ADAMTSL3: variants seen among roughly 807,000 people sequenced by gnomAD.
The protein encoded by ADAMTSL3 is ADAMTS-like protein 3.
ADAMTSL3 carries 128 observed loss-of-function variants against 201.7 expected under a neutral mutation model. That is an observed-to-expected ratio of 0.63 (90% CI 0.55 to 0.73). The LOEUF is 0.73. Among genes scored for constraint, ADAMTSL3 ranks in the 30% least tolerant of loss-of-function variants. The pLI is 0.00. For missense variants in ADAMTSL3, 1,990 were observed against 2,119.6 expected (o/e 0.94, Z 1.20); for synonymous variants, 738 against 748.4 (o/e 0.99, Z 0.23).
intron 2 of ADAMTSL3, among the ~76,000 whole-genome samples, chr15:83,664,154 G>A (rs182528176): frequency 6.6e-6 from 1 of 152,118 alleles, no homozygotes; most frequent in Non-Finnish European, 1.5e-5. Context: ...TATATATACC[G>A]AAAAGATAAA....
intron 8 of ADAMTSL3, among the ~76,000 whole-genome samples, chr15:83,866,201 T>C (rs918641334): frequency 3.9e-5 from 6 of 152,332 alleles, no homozygotes; most frequent in Admixed American, 2.6e-4. Context: ...GACAGTGTGG[T>C]GATTCCTCAA....
At chr15:83,657,029 T>G (rs1343384090) in intron 2 of ADAMTSL3, among the ~76,000 whole-genome samples, 1 of 152,218 alleles carries the variant, frequency 6.6e-6, no homozygotes, top group Non-Finnish European at 1.5e-5. Flanking sequence ...ATAATCATAT[T>G]AATAGAGCTC....
chr15:83,841,596 T>C (rs1035192202), intron 7 of ADAMTSL3, among the ~76,000 whole-genome samples: 1 of 152,130 alleles, frequency 6.6e-6, no homozygotes, highest in African/African-American at 2.4e-5. Flanking sequence ...CAGTAAATGC[T>C]AGCTGCATTT....
At chr15:83,698,853 C>T (rs1012905937) in intron 2 of ADAMTSL3, among the ~76,000 whole-genome samples, 2 of 152,162 alleles carry the variant, frequency 1.3e-5, no homozygotes, top group African/African-American at 4.8e-5. Context: ...GCCTCATCTT[C>T]CTCAGTTTCT....
At chr15:83,918,512 G>A (rs766072339) in intron 16 of ADAMTSL3, among the ~76,000 whole-genome samples, 1 of 152,196 alleles carries the variant, frequency 6.6e-6, no homozygotes, top group African/African-American at 2.4e-5. Context: ...TAAACAAAAG[G>A]GGGTTTGGAG....
intron 2 of ADAMTSL3, among the ~76,000 whole-genome samples, chr15:83,683,508 T>A (rs2061500121): frequency 6.6e-6 from 1 of 152,190 alleles, no homozygotes; most frequent in Non-Finnish European, 1.5e-5. Flanking sequence ...TGACTTTTCT[T>A]CCCCATTCCT....
intron 2 of ADAMTSL3, among the ~76,000 whole-genome samples, chr15:83,694,055 A>C (rs2061647791): frequency 6.6e-6 from 1 of 152,220 alleles, no homozygotes; most frequent in Non-Finnish European, 1.5e-5. Flanking sequence ...TACATGCTTC[A>C]CTGGAGGATC....
At chr15:83,794,876 G>A (rs1313380933) in intron 4 of ADAMTSL3, among the ~76,000 whole-genome samples, 1 of 151,966 alleles carries the variant, frequency 6.6e-6, no homozygotes, top group African/African-American at 2.4e-5. Context: ...TATTTGAGAT[G>A]GAGTCTCACT....
intron 23 of ADAMTSL3, among the ~76,000 whole-genome samples, chr15:83,993,848 A>G (rs1301736217): frequency 6.6e-6 from 1 of 152,226 alleles, no homozygotes; most frequent in Non-Finnish European, 1.5e-5. Context: ...CATCTGGGGA[A>G]AATCACCAGA....
chr15:83,926,613 CTTT>C (rs5814168), intron 17 of ADAMTSL3, among the ~76,000 whole-genome samples: 15 of 119,996 alleles, frequency 1.3e-4, no homozygotes, highest in Admixed American at 2.5e-4. Flanking sequence ...ACACTAACAA[CTTT>C]TTTTTTTTTT....
At chr15:83,821,317 A>T in intron 6 of ADAMTSL3, among the ~76,000 whole-genome samples, 1 of 149,598 alleles carries the variant, frequency 6.7e-6, no homozygotes, top group Non-Finnish European at 1.5e-5. Context: ...TCATAGGACA[A>T]TAGTGGAGGG....
chr15:83,692,123 A>C (rs537244491), intron 2 of ADAMTSL3, among the ~76,000 whole-genome samples: 35 of 151,014 alleles, frequency 2.3e-4, no homozygotes, highest in Non-Finnish European at 1.3e-4. Context: ...TTCTTTTAAC[A>C]AAAGATAGTA....
intron 23 of ADAMTSL3, among the ~76,000 whole-genome samples, chr15:84,009,119 G>A (rs1454319509): frequency 2.6e-5 from 4 of 152,172 alleles, no homozygotes; most frequent in African/African-American, 9.7e-5. Flanking sequence ...CAACATAGCT[G>A]TCAAAGCAGT....
intron 15 of ADAMTSL3, among the ~76,000 whole-genome samples, chr15:83,901,364 TAAGGAGGC>T (rs991345969): frequency 8.6e-5 from 13 of 151,862 alleles, no homozygotes; most frequent in African/African-American, 3.1e-4. Flanking sequence ...GGAAGGAGTT[TAAGGAGGC>T]AAGGAGGCAA....
In ADAMTSL3 at chr15:83,822,473, T is replaced by C. The variant is rs1366600843; in HGVS notation, c.600+2426T>C. On this transcript the variant is annotated intron_variant, in intron 6 of 29. Coordinates refer to ENST00000286744, the MANE Select transcript of ADAMTSL3 (RefSeq NM_207517.3). ...GCCAGGCGGAGGGTCTCCTCACTTC[T>C]CAGACGGGGCGGCCGGGCAGAGACG... 2.4e-5 allele frequency among the ~76,000 whole-genome samples: 3 copies of C among 123,704 alleles called. No homozygotes were observed. The East Asian group carries it at 8.0e-4, about 33-fold the overall frequency. The allele number at this position is 123,704 out of a possible 152,430, so 81.2% of individuals were successfully genotyped here. A position where few individuals can be genotyped will look rare whatever the true frequency, so the allele number is the denominator to read the frequency against.
At chr15:83,776,744 T>C (rs2063081259) in intron 4 of ADAMTSL3, among the ~76,000 whole-genome samples, 1 of 151,654 alleles carries the variant, frequency 6.6e-6, no homozygotes, top group African/African-American at 2.4e-5. Flanking sequence ...GTTAAGAAAA[T>C]CCATAAAATG....
At chr15:83,894,819 A>G (rs1184975715) in intron 13 of ADAMTSL3, among the ~76,000 whole-genome samples, 1 of 71,944 alleles carries the variant, frequency 1.4e-5, no homozygotes, top group East Asian at 4.8e-4. Flanking sequence ...TCAAAATAAC[A>G]TATATATATA....
chr15:83,970,461 CTG>C, intron 19 of ADAMTSL3, 21 bp from the exon 20 acceptor site: 1 of 1,613,910 alleles, frequency 6.2e-7, no homozygotes, highest in Non-Finnish European at 8.5e-7. Context: ...CCATTTGACT[CTG>C]TTGCACAACT....
intron 3 of ADAMTSL3, among the ~76,000 whole-genome samples, chr15:83,765,691 A>T (rs544534615): frequency 6.6e-6 from 1 of 152,320 alleles, no homozygotes. Context: ...ATAATGAGTA[A>T]ACAATATCTT....
Sources: allele counts gnomAD v4.1 joint callset (sites outside exome capture counted in the v4.1 genomes callset), GRCh38; gene constraint gnomAD v4.1.1; transcripts MANE v1.5; gene names NCBI Gene and HGNC (gene_info 2026-07-23, HGNC 2026-07-21).